Variants in KIRREL1 observed in about 807,000 individuals in gnomAD.
KIRREL1 encodes the protein kirre like nephrin family adhesion molecule 1, also known as kin of IRRE-like protein 1.
In KIRREL1, 25 loss-of-function variants were observed where a neutral mutation model predicts 83.3. That is an observed-to-expected ratio of 0.30 (90% CI 0.22 to 0.42). KIRREL1 has a LOEUF of 0.42. KIRREL1 is among the 10% of genes least tolerant of loss of function. The pLI, the probability that KIRREL1 is intolerant of heterozygous loss-of-function variation, is 1.00. For missense variants in KIRREL1, 812 were observed against 1,032.3 expected (o/e 0.79, Z 2.92); for synonymous variants, 388 against 410.4 (o/e 0.95, Z 0.66).
intron 1 of KIRREL1, among the ~76,000 whole-genome samples, chr1:158,023,010 GC>G (rs1439091868): frequency 2.6e-5 from 4 of 152,218 alleles, no homozygotes; most frequent in Non-Finnish European, 2.9e-5. Flanking sequence ...CTTTTTGGAG[GC>G]CTATGTGGCC....
In KIRREL1 at chr1:158,094,634, T is replaced by A; in HGVS notation, c.1798-10T>A. On this transcript the variant is annotated splice_polypyrimidine_tract_variant and intron_variant, in intron 14 of 14. Coordinates refer to ENST00000359209, the MANE Select transcript of KIRREL1 (RefSeq NM_018240.7). This position sits in a 1 kb window ranked among gnomAD's most constrained non-coding sequence, Gnocchi z 4.6. ...ACACTGCCTCCATCCTCTTCTCTCA[T>A]TGCCCCCAGGACCCCACCAATGGCT... is the stretch of plus-strand genomic sequence containing the variant. 1 of 1,575,492 alleles carries A rather than the reference T, an allele frequency of 6.3e-7. No individual in the cohort carries two copies. Among genetic ancestry groups the A allele is most frequent in the South Asian group, 1.2e-5 (1 of 86,450 alleles).
In KIRREL1 at chr1:158,093,466, A is replaced by T. The variant is rs755633569; in HGVS notation, c.1579+20A>T. 5.0e-6 allele frequency: 8 copies of T among 1,609,682 alleles called. No individual in the cohort carries two copies. In the South Asian group the frequency reaches 8.8e-5, roughly 18 times the overall value. On this transcript the variant is annotated intron_variant, in intron 12 of 14. Transcript: ENST00000359209. ...AAGGCAGTGAGTATGGGCCCTGTGC[A>T]GCCCACAGCCTTCCCCTGGCTCTTC...
intron 13 of KIRREL1, 141 bp downstream of exon 13, chr1:158,093,903 T>A (rs1395115769): frequency 2.3e-6 from 2 of 874,386 alleles, no homozygotes; most frequent in Non-Finnish European, 3.5e-6. Flanking sequence ...TCTCCCACAC[T>A]CACACACATT....
intron 1 of KIRREL1, among the ~76,000 whole-genome samples, chr1:158,047,078 A>G (rs1475101203): frequency 6.6e-6 from 1 of 152,230 alleles, no homozygotes; most frequent in Non-Finnish European, 1.5e-5. Flanking sequence ...AAGGAGTGTC[A>G]TATGGAAGAG....
intron 3 of KIRREL1, among the ~76,000 whole-genome samples, chr1:158,082,696 G>A (rs1410781118): frequency 6.6e-6 from 1 of 152,170 alleles, no homozygotes; most frequent in Non-Finnish European, 1.5e-5. Flanking sequence ...GGTGGAGCAC[G>A]CTGGCTCATG....
At chr1:157,995,751 C>A (rs1386580372) in intron 1 of KIRREL1, among the ~76,000 whole-genome samples, 1 of 152,062 alleles carries the variant, frequency 6.6e-6, no homozygotes, top group Non-Finnish European at 1.5e-5. Flanking sequence ...TCCCACTTCT[C>A]TGCTCCAACA....
chr1:158,076,219 G>C lies in KIRREL1; in HGVS notation c.159G>C (p.Trp53Cys). 6.2e-7 allele frequency: 1 copy of C among 1,614,194 alleles called. No homozygotes were observed. The highest frequency in any genetic ancestry group is 8.5e-7 in the Non-Finnish European group (1 of 1,180,020). Reference protein sequence around the residue: ...VLLNYSGIVQWTKDGLALGMG... With the variant: ...VLLNYSGIVQCTKDGLALGMG... ...TCAACTACTCTGGAATTGTGCAATG[G>C]ACCAAGGACGGGCTGGCCCTGGGCA... The change falls in exon 2 of 15, where the codon TGG becomes TGC. Residue 53 changes from tryptophan to cysteine, a missense_variant. Trp to Cys is a radical substitution (Grantham distance 215, BLOSUM62 -2). Transcript: ENST00000359209.
intron 1 of KIRREL1, among the ~76,000 whole-genome samples, chr1:158,039,106 G>A (rs749114727): frequency 2.6e-5 from 4 of 152,122 alleles, no homozygotes; most frequent in East Asian, 1.9e-4. Flanking sequence ...CAAGGTGACC[G>A]CCATTATCCT....
intron 1 of KIRREL1, among the ~76,000 whole-genome samples, chr1:158,022,896 T>TG (rs909046788): frequency 1.1e-4 from 17 of 152,184 alleles, no homozygotes; most frequent in African/African-American, 3.9e-4. Flanking sequence ...TACCTGTGTA[T>TG]ACTCAGTCTG....
At position 158,096,904 on chromosome 1, in the gene KIRREL1, C is replaced by T. The variant is rs557646758; in HGVS notation, c.*1784C>T. On this transcript the variant is annotated 3_prime_UTR_variant, in exon 15 of 15. Transcript: ENST00000359209. ...GTGGTCACCATTCATAATTCATGTT[C>T]GCTTTAATGAGTTACATGCTTATCA... The T allele has an allele frequency of 2.9e-4, 132 of 456,648 alleles. No homozygotes were observed. The highest frequency in any genetic ancestry group is 4.9e-4 in the Non-Finnish European group (112 of 227,008). 28.3% of individuals were successfully genotyped at this position (456,648 alleles called of 1,614,324 possible).
At chr1:158,014,566 C>G (rs945230566) in intron 1 of KIRREL1, among the ~76,000 whole-genome samples, 3 of 151,730 alleles carry the variant, frequency 2.0e-5, no homozygotes, top group African/African-American at 7.3e-5. Flanking sequence ...ACCACCCTCC[C>G]TGTAATCTTC....
intron 1 of KIRREL1, among the ~76,000 whole-genome samples, chr1:158,068,778 T>C (rs1009721936): frequency 2.0e-5 from 3 of 150,380 alleles, no homozygotes; most frequent in African/African-American, 7.4e-5. Context: ...GTATTTTTCA[T>C]AGAGCAAGAA....
Position 158,096,603 on chromosome 1 carries a change from G to A in KIRREL1, c.*1483G>A, listed in dbSNP as rs1344949007. ...AACTTGTGCTGACCGGGAGAAGGTG[G>A]TGCGGAAGGGCACCGCAGGCATTAC... On this transcript the variant is annotated 3_prime_UTR_variant, in exon 15 of 15. Coordinates refer to ENST00000359209, the MANE Select transcript of KIRREL1 (RefSeq NM_018240.7). The A allele has an allele frequency of 2.2e-6, 1 of 456,802 alleles. No individual in the cohort carries two copies. The highest frequency in any genetic ancestry group is 4.4e-6 in the Non-Finnish European group (1 of 227,032). 28.3% of individuals were successfully genotyped at this position (456,802 alleles called of 1,614,324 possible).
At chr1:157,995,701 C>T (rs2101612678) in intron 1 of KIRREL1, among the ~76,000 whole-genome samples, 1 of 152,298 alleles carries the variant, frequency 6.6e-6, no homozygotes, top group East Asian at 1.9e-4. Context: ...GTGTGCCTTT[C>T]TCTCTTTGGA....
At chr1:158,020,340 A>T (rs2101651645) in intron 1 of KIRREL1, among the ~76,000 whole-genome samples, 1 of 151,836 alleles carries the variant, frequency 6.6e-6, no homozygotes, top group East Asian at 1.9e-4. Context: ...TTCAAGATGC[A>T]CCCCCCATGC....
chr1:158,062,131 T>C (rs1227720179), intron 1 of KIRREL1, among the ~76,000 whole-genome samples: 2 of 152,124 alleles, frequency 1.3e-5, no homozygotes, highest in African/African-American at 2.4e-5. Flanking sequence ...ATCCTGTAAA[T>C]TTCTGAGAGT....
intron 3 of KIRREL1, among the ~76,000 whole-genome samples, chr1:158,079,987 T>A (rs977803609): frequency 6.6e-6 from 1 of 152,162 alleles, no homozygotes; most frequent in Non-Finnish European, 1.5e-5. Context: ...TGATTTGCTT[T>A]TCCTCTCTAG....
At chr1:158,009,920 C>T (rs1033453627) in intron 1 of KIRREL1, among the ~76,000 whole-genome samples, 25 of 152,224 alleles carry the variant, frequency 1.6e-4, no homozygotes, top group African/African-American at 6.0e-4. Flanking sequence ...ACAATAGGAA[C>T]ATCTATATTC....
intron 1 of KIRREL1, among the ~76,000 whole-genome samples, chr1:158,063,541 T>C (rs9787108): frequency 0.39 from 59,218 of 152,032 alleles, 11,917 homozygotes; most frequent in African/African-American, 0.45. Context: ...TTTGTCTCCC[T>C]TGATAGAATG....
Sources: allele counts gnomAD v4.1 joint callset (sites outside exome capture counted in the v4.1 genomes callset), GRCh38; gene constraint gnomAD v4.1.1; non-coding constraint Gnocchi (gnomAD v3.1); transcripts MANE v1.5; gene names NCBI Gene and HGNC (gene_info 2026-07-23, HGNC 2026-07-21).